The following ST7L variants were observed in gnomAD, a reference collection of about 807,000 sequenced individuals.
The protein encoded by ST7L is suppressor of tumorigenicity 7 protein-like.
Under a neutral mutation model 72.5 loss-of-function variants are expected in ST7L, and 57 were observed. That is an observed-to-expected ratio of 0.79 (90% CI 0.64 to 0.98). The LOEUF (loss-of-function observed/expected upper bound fraction) is 0.98, where lower values mean the gene tolerates loss of function less well. Ranked by LOEUF, ST7L falls within the 50% of genes least tolerant of loss-of-function variation. ST7L has a pLI of 0.00. For synonymous variants in ST7L, 221 were observed against 240.9 expected, an observed-to-expected ratio of 0.92 and a Z score of 0.77; for missense variants, 576 against 672.2, an observed-to-expected ratio of 0.86 and a Z score of 1.58.
At chr1:112,542,496 G>A (rs1656270108) in intron 13 of ST7L, among the ~76,000 whole-genome samples, 1 of 152,182 alleles carries the variant, frequency 6.6e-6, no homozygotes, top group African/African-American at 2.4e-5. Flanking sequence ...GGTGGTTCAC[G>A]TCTGTAATCC....
chr1:112,586,537 TA>T (rs1024284487), intron 6 of ST7L, among the ~76,000 whole-genome samples: 24 of 152,302 alleles, frequency 1.6e-4, no homozygotes, highest in Middle Eastern at 6.8e-3. Context: ...AAACAGTTTT[TA>T]AAAGACCTAG....
At chr1:112,520,274 A>G (rs763340910), downstream of ST7L, 3 of 1,612,958 alleles carry the variant, frequency 1.9e-6, no homozygotes, top group Non-Finnish European at 2.5e-6. Context: ...CTCTTCCCCA[A>G]CCCAGGTTCC....
the ST7L span, chr1:112,517,922 A>T: frequency 7.2e-4 from 112 of 155,690 alleles, no homozygotes; most frequent in Non-Finnish European, 1.0e-3. Context: ...GCAATTTCTT[A>T]TCAGAGAGTA....
intron 5 of ST7L, among the ~76,000 whole-genome samples, chr1:112,592,980 A>C (rs1285684210): frequency 6.6e-6 from 1 of 152,190 alleles, no homozygotes; most frequent in East Asian, 1.9e-4. Flanking sequence ...TACACCCCCC[A>C]AATTCCACAA....
chr1:112,565,594 A>G (rs1436363420), intron 11 of ST7L, among the ~76,000 whole-genome samples: 1 of 152,230 alleles, frequency 6.6e-6, no homozygotes, highest in African/African-American at 2.4e-5. Flanking sequence ...AATTCAAATT[A>G]GTTAATTCCT....
intron 11 of ST7L, among the ~76,000 whole-genome samples, chr1:112,572,327 A>C (rs1662280488): frequency 6.6e-6 from 1 of 152,224 alleles, no homozygotes; most frequent in East Asian, 1.9e-4. Context: ...TTAGCCCCTA[A>C]GAAGAGAGTC....
chr1:112,549,401 ATAAG>A (rs1345043977), intron 13 of ST7L, among the ~76,000 whole-genome samples: 1 of 152,150 alleles, frequency 6.6e-6, no homozygotes, highest in East Asian at 1.9e-4. Flanking sequence ...AAATAAATAA[ATAAG>A]TAAATAAAAT....
chr1:112,537,302 A>G (rs539792768), intron 14 of ST7L, among the ~76,000 whole-genome samples: 1 of 152,226 alleles, frequency 6.6e-6, no homozygotes, highest in East Asian at 1.9e-4. Flanking sequence ...ACTGGCCCCA[A>G]TTAGAGACTT....
intron 3 of ST7L, among the ~76,000 whole-genome samples, chr1:112,607,854 A>G (rs973339820): frequency 6.6e-6 from 1 of 152,120 alleles, no homozygotes; most frequent in African/African-American, 2.4e-5. Context: ...AAATTCTAGC[A>G]AAGAGTTAGA....
In ST7L at chr1:112,610,985, A is replaced by G. The variant is rs534447606; in HGVS notation, c.307T>C (p.Phe103Leu). The G allele has an allele frequency of 5.0e-6, 8 of 1,614,072 alleles. No individual in the cohort carries two copies. In the South Asian group the frequency reaches 5.5e-5, roughly 11 times the overall value. ...ATAAAAGATGTGCCATGCTTATGGA[A>G]GTACCACCATTCAAATATCTATGAC... Reference protein sequence around the residue: ...GLIFIFEWWYFHKHGTSFIEQ... With the variant: ...GLIFIFEWWYLHKHGTSFIEQ... The change falls in exon 3 of 15, where the codon TTC becomes CTC. Residue 103 changes from phenylalanine to leucine, a missense_variant. Phe to Leu is a conservative substitution (Grantham distance 22). This residue lies in a region of ST7L where 511 missense variants were observed against 600.7 expected (regional missense o/e 0.85). Coordinates refer to ENST00000358039, the MANE Select transcript of ST7L (RefSeq NM_017744.5).
rs546122705 is a variant in ST7L, at chr1:112,617,602, C to T, written c.206-707G>A. On this transcript the variant is annotated intron_variant, in intron 1 of 14. Transcript: ENST00000358039. ...TGGTGCACGCCTGCAGTCCCAGCTA[C>T]TTGGGAGGCTGAGGCCAGAGGATCG... is the stretch of plus-strand genomic sequence containing the variant. Among the ~76,000 whole-genome samples, 4 of 152,044 alleles carry T rather than the reference C, an allele frequency of 2.6e-5. No homozygotes were observed. In the East Asian group the frequency reaches 7.7e-4, roughly 29 times the overall value.
In ST7L at chr1:112,594,208, G is replaced by GAAA. The variant is rs11317306; in HGVS notation, c.623-2608_623-2606dup. Among the ~76,000 whole-genome samples the GAAA allele has an allele frequency of 2.4e-3, 214 of 89,606 alleles. 1 individual carries two copies. Among genetic ancestry groups the GAAA allele is most frequent in the African/African-American group, 7.9e-3 (203 of 25,696 alleles). The allele number at this position is 89,606 out of a possible 152,430, so 58.8% of individuals were successfully genotyped here. The stretch of plus-strand genomic sequence containing the variant: ...ATATGTTCCTTTCTCTTATTTTACA[G>GAAA]AAAAAAAAAAAAAAAAAAAGGGCTT... On this transcript the variant is annotated intron_variant, in intron 5 of 14. Transcript: ENST00000358039.
Position 112,568,136 on chromosome 1 carries a change from G to A in ST7L, c.1245+8850C>T, listed in dbSNP as rs143052251. Among the ~76,000 whole-genome samples the A allele has an allele frequency of 9.5e-4, 145 of 152,188 alleles. 1 individual carries two copies. Among genetic ancestry groups the A allele is most frequent in the African/African-American group, 3.4e-3 (143 of 41,538 alleles). On this transcript the variant is annotated intron_variant, in intron 11 of 14. Transcript: ENST00000358039. ...ATAACATGCTTTGAGGCTTGTGCACGCATGTGAATGATGTACCTAATGAAT... is the reference window on the plus strand; with the variant it reads ...ATAACATGCTTTGAGGCTTGTGCACACATGTGAATGATGTACCTAATGAAT...
At chr1:112,520,617 T>TA (rs1652822054), downstream of ST7L, 4 of 1,157,360 alleles carry the variant, frequency 3.5e-6, no homozygotes, top group Non-Finnish European at 5.0e-6. Flanking sequence ...TGCTACCGCT[T>TA]CTATTTAAGG....
At chr1:112,592,357 C>T (rs1218799520) in intron 5 of ST7L, among the ~76,000 whole-genome samples, 2 of 152,176 alleles carry the variant, frequency 1.3e-5, no homozygotes, top group Non-Finnish European at 2.9e-5. Flanking sequence ...AAACCTGCAA[C>T]TGTCCAGGAA....
At chr1:112,522,018 T>C (rs1037802481), downstream of ST7L, 3 of 152,180 alleles carry the variant, frequency 2.0e-5, no homozygotes, top group African/African-American at 7.2e-5. Context: ...TACGTACCTG[T>C]TCTTTTTTTT....
intron 5 of ST7L, among the ~76,000 whole-genome samples, chr1:112,592,213 C>T (rs1267580974): frequency 1.3e-5 from 2 of 151,832 alleles, no homozygotes; most frequent in African/African-American, 4.8e-5. Flanking sequence ...ATTTACTGTA[C>T]CAAAATGAAG....
intron 11 of ST7L, among the ~76,000 whole-genome samples, chr1:112,570,931 G>A (rs1041941734): frequency 1.3e-5 from 2 of 152,054 alleles, no homozygotes; most frequent in Non-Finnish European, 2.9e-5. Flanking sequence ...GCACTTAGCG[G>A]GGCCGAGGCA....
At chr1:112,603,449 A>C (rs1263410821) in intron 3 of ST7L, among the ~76,000 whole-genome samples, 1 of 152,222 alleles carries the variant, frequency 6.6e-6, no homozygotes, top group East Asian at 1.9e-4. Flanking sequence ...GTGTAGTATC[A>C]AAAAAAGGTA....
Sources: allele counts gnomAD v4.1 joint callset (sites outside exome capture counted in the v4.1 genomes callset), GRCh38; gene constraint gnomAD v4.1.1; regional missense constraint gnomAD v4.1.1; transcripts MANE v1.5; gene names NCBI Gene and HGNC (gene_info 2026-07-23, HGNC 2026-07-21).